Variants in ABL2 observed in about 807,000 individuals in gnomAD.
ABL2 encodes ABL proto-oncogene 2, non-receptor tyrosine kinase.
Under a neutral mutation model 107.7 loss-of-function variants are expected in ABL2, and 49 were observed. The ratio of observed to expected loss-of-function variants is 0.45; its 90% CI spans 0.36 to 0.58. ABL2 has a LOEUF of 0.58. ABL2 is among the 20% of genes least tolerant of loss of function. ABL2 has a pLI of 0.00. For synonymous variants in ABL2, 549 were observed against 548.6 expected (o/e 1.00, Z -0.01); for missense variants, 1,245 against 1,457.0 (o/e 0.85, Z 2.37).
At chr1:179,205,029 CTTTTTT>C (rs752957278) in intron 1 of ABL2, among the ~76,000 whole-genome samples, 1 of 138,214 alleles carries the variant, frequency 7.2e-6, no homozygotes, top group Non-Finnish European at 1.6e-5. Context: ...AACTCTTTTT[CTTTTTT>C]TTTTTTTTTG....
chr1:179,226,502 T>C (rs965017019), intron 1 of ABL2, among the ~76,000 whole-genome samples: 1 of 151,734 alleles, frequency 6.6e-6, no homozygotes, highest in African/African-American at 2.4e-5. Context: ...ACAGACGAGG[T>C]TTCACCATGT....
chr1:179,168,024 A>C (rs541494163), intron 1 of ABL2, among the ~76,000 whole-genome samples: 4 of 152,350 alleles, frequency 2.6e-5, no homozygotes, highest in African/African-American at 9.6e-5. Context: ...GAGAAATACA[A>C]ATCCAAATAA....
chr1:179,208,156 A>T (rs921609781), intron 1 of ABL2, among the ~76,000 whole-genome samples: 8 of 152,022 alleles, frequency 5.3e-5, no homozygotes, highest in South Asian at 4.1e-4. Flanking sequence ...TTATATATAT[A>T]TTTTTTCAAC....
rs912517293 is a variant in ABL2, at chr1:179,100,146, A to G, written c.*7572T>C. On this transcript the variant is annotated 3_prime_UTR_variant, in exon 12 of 12. Transcript: ENST00000502732. ...CTTTCTAGTTTCTGAATACTGATTG[A>G]CAATTGGCCTAATCATGGTGATTTC... 8.7e-6 allele frequency: 2 copies of G among 230,844 alleles called. No individual in the cohort carries two copies. Among genetic ancestry groups the G allele is most frequent in the Non-Finnish European group, 1.7e-5 (2 of 116,546 alleles). 14.3% of individuals were successfully genotyped at this position (230,844 alleles called of 1,614,324 possible). A position where few individuals can be genotyped will look rare whatever the true frequency, so the allele number is the denominator to read the frequency against.
At chr1:179,201,494 G>A (rs1184858330) in intron 1 of ABL2, 1 of 252,964 alleles carries the variant, frequency 4.0e-6, no homozygotes, top group Non-Finnish European at 7.7e-6. Flanking sequence ...GTAATCCAAG[G>A]TGATTCCCTC....
intron 1 of ABL2, among the ~76,000 whole-genome samples, chr1:179,186,339 G>T (rs1003042513): frequency 2.6e-5 from 4 of 152,046 alleles, no homozygotes; most frequent in African/African-American, 7.2e-5. Flanking sequence ...CTTTTTGAGC[G>T]TGTGTGTTTG....
chr1:179,174,218 G>A (rs1483259613), intron 1 of ABL2, among the ~76,000 whole-genome samples: 1 of 151,914 alleles, frequency 6.6e-6, no homozygotes, highest in African/African-American at 2.4e-5. Flanking sequence ...AACCCAAGAG[G>A]TGGAGGCTGC....
At chr1:179,153,886 C>G (rs1315184845) in intron 1 of ABL2, among the ~76,000 whole-genome samples, 2 of 150,798 alleles carry the variant, frequency 1.3e-5, no homozygotes, top group Non-Finnish European at 3.0e-5. Context: ...AACAAAAATC[C>G]ATTTTGTTCC....
intron 1 of ABL2, among the ~76,000 whole-genome samples, chr1:179,192,594 TAA>T (rs1661083698): frequency 6.6e-6 from 1 of 152,160 alleles, no homozygotes; most frequent in Non-Finnish European, 1.5e-5. Flanking sequence ...AAAAATCAAG[TAA>T]ATTAACTCAA....
In ABL2 at chr1:179,103,280, T is replaced by A. The variant is rs1372591790; in HGVS notation, c.*4438A>T. ...TTAAGCAGTTTCATATTTCTAAATGTGATAAATGACAGAGGTGATTCTTAC... is the reference window on the plus strand; with the variant it reads ...TTAAGCAGTTTCATATTTCTAAATGAGATAAATGACAGAGGTGATTCTTAC... On this transcript the variant is annotated 3_prime_UTR_variant, in exon 12 of 12. Coordinates refer to ENST00000502732, the MANE Select transcript of ABL2 (RefSeq NM_007314.4). 1 of 208,002 alleles carries A rather than the reference T, an allele frequency of 4.8e-6. No individual in the cohort carries two copies. Among genetic ancestry groups the A allele is most frequent in the Non-Finnish European group, 9.8e-6 (1 of 102,200 alleles). The allele number at this position is 208,002 out of a possible 1,614,324, so 12.9% of individuals were successfully genotyped here.
chr1:179,228,222 C>G (rs954194091), intron 1 of ABL2, among the ~76,000 whole-genome samples: 1 of 151,674 alleles, frequency 6.6e-6, no homozygotes, highest in African/African-American at 2.4e-5. Context: ...TGGTGCACAC[C>G]TGCAGTTCCA....
intron 1 of ABL2, among the ~76,000 whole-genome samples, chr1:179,180,781 G>T (rs1660334011): frequency 6.6e-6 from 1 of 152,042 alleles, no homozygotes; most frequent in Admixed American, 6.6e-5. Context: ...TGAAATTTAG[G>T]TGAAACATTT....
At chr1:179,157,535 T>C (rs1034485298) in intron 1 of ABL2, among the ~76,000 whole-genome samples, 3 of 151,490 alleles carry the variant, frequency 2.0e-5, no homozygotes, top group African/African-American at 7.3e-5. Flanking sequence ...GGTATGCAAA[T>C]ATTCCAAAAT....
chr1:179,224,459 G>T (rs1663083580), intron 1 of ABL2, among the ~76,000 whole-genome samples: 1 of 151,940 alleles, frequency 6.6e-6, no homozygotes, highest in South Asian at 2.1e-4. Context: ...AGTAGAGACA[G>T]GGTTTCACCA....
In ABL2 at chr1:179,108,952, T is replaced by C. The variant is rs1342197747; in HGVS notation, c.2315A>G (p.Asp772Gly). 1.2e-6 allele frequency: 2 copies of C among 1,614,022 alleles called. No individual in the cohort carries two copies. The highest frequency in any genetic ancestry group is 1.3e-5 in the African/African-American group (1 of 74,900). ...CCTTGGAAAAGGCTTGGAAGTGTCA[T>C]CACTGGCTGTGGGTTTACCTGCTCG... ...GLRAGKPTASDDTSKPFPRSN... is the reference protein window; with the variant it reads ...GLRAGKPTASGDTSKPFPRSN... The change falls in exon 12 of 12, where the codon GAT (aspartate) becomes GGT (glycine). Residue 772 changes from aspartate (D) to glycine (G), a missense_variant. Asp to Gly is a moderately conservative substitution (Grantham distance 94). This residue lies in a region of ABL2 where 761 missense variants were observed against 766.4 expected (regional missense o/e 0.99). Coordinates refer to ENST00000502732, the MANE Select transcript of ABL2 (RefSeq NM_007314.4).
intron 6 of ABL2, among the ~76,000 whole-genome samples, chr1:179,119,031 T>C (rs1325866993): frequency 6.6e-6 from 1 of 152,138 alleles, no homozygotes; most frequent in African/African-American, 2.4e-5. Context: ...CTGTATTAAT[T>C]CTATAAGGGG....
intron 1 of ABL2, among the ~76,000 whole-genome samples, chr1:179,155,197 G>T (rs935126549): frequency 6.6e-6 from 1 of 152,142 alleles, no homozygotes; most frequent in Non-Finnish European, 1.5e-5. Context: ...TTATCTTCTG[G>T]TGAAGACTTT....
chr1:179,112,822 T>C (rs1180397401), intron 9 of ABL2, among the ~76,000 whole-genome samples: 1 of 151,960 alleles, frequency 6.6e-6, no homozygotes, highest in African/African-American at 2.4e-5. Context: ...TGGCGCGATC[T>C]CGGTTCACTG....
chr1:179,138,928 C>T lies in ABL2; in HGVS notation c.158-5554G>A, dbSNP rs1657302763. 2.0e-5 allele frequency among the ~76,000 whole-genome samples: 3 copies of T among 152,340 alleles called. No individual in the cohort carries two copies. The South Asian group carries it at 6.2e-4, about 32-fold the overall frequency. On this transcript the variant is annotated intron_variant, in intron 1 of 11. Transcript: ENST00000502732. ...GGGCGTGGGCTTGGCGGGCCCCGCACTCACACTCGGAGCAGCCAGCCAGCC... is the reference window on the plus strand; with the variant it reads ...GGGCGTGGGCTTGGCGGGCCCCGCATTCACACTCGGAGCAGCCAGCCAGCC...
Sources: allele counts gnomAD v4.1 joint callset (sites outside exome capture counted in the v4.1 genomes callset), GRCh38; gene constraint gnomAD v4.1.1; regional missense constraint gnomAD v4.1.1; transcripts MANE v1.5; gene names NCBI Gene and HGNC (gene_info 2026-07-23, HGNC 2026-07-21).